PXDNL: variants seen among roughly 807,000 people sequenced by gnomAD.
PXDNL encodes the protein probable oxidoreductase PXDNL.
Under a neutral mutation model 150.8 loss-of-function variants are expected in PXDNL, and 145 were observed. The observed-to-expected ratio is 0.96, with a 90% CI of 0.84 to 1.10. PXDNL has a LOEUF of 1.10. Among genes scored for constraint, PXDNL ranks in the 50% least tolerant of loss-of-function variants. The pLI, the probability that PXDNL is intolerant of heterozygous loss-of-function variation, is 0.00. For synonymous variants in PXDNL, 757 were observed against 725.7 expected (o/e 1.04, Z -0.69); for missense variants, 2,087 against 1,873.9 (o/e 1.11, Z -2.10).
At chr8:51,516,238 A>G (rs1204037269) in intron 4 of PXDNL, among the ~76,000 whole-genome samples, 2 of 152,258 alleles carry the variant, frequency 1.3e-5, no homozygotes, top group South Asian at 2.1e-4. Flanking sequence ...TATTTCTTCT[A>G]TTCAATTTAT....
At chr8:51,605,953 C>T (rs1018068798) in intron 2 of PXDNL, among the ~76,000 whole-genome samples, 7 of 152,162 alleles carry the variant, frequency 4.6e-5, no homozygotes, top group African/African-American at 1.4e-4. Flanking sequence ...GCAAGAAAGC[C>T]CTCACGAGAT....
chr8:51,683,202 C>CATATATATATATATATATATAT (rs1815795803), intron 1 of PXDNL, among the ~76,000 whole-genome samples: 2 of 24,966 alleles, frequency 8.0e-5, no homozygotes, highest in Admixed American at 4.4e-4. Context: ...TATATATATG[C>CATATATATATATATATATATAT]CTATTAGAAA....
chr8:51,757,369 C>T (rs1039505689), intron 1 of PXDNL, among the ~76,000 whole-genome samples: 4 of 152,318 alleles, frequency 2.6e-5, no homozygotes, highest in Admixed American at 1.3e-4. Context: ...CAGCAGGCTC[C>T]GCAGTGCCCA....
intron 14 of PXDNL, among the ~76,000 whole-genome samples, chr8:51,420,475 A>T (rs1808918448): frequency 6.6e-6 from 1 of 152,192 alleles, no homozygotes; most frequent in Non-Finnish European, 1.5e-5. Context: ...TATTTCTAAC[A>T]TTATGAAATT....
chr8:51,486,790 ATATATTTTTTTT>A (rs1810770584), intron 5 of PXDNL, among the ~76,000 whole-genome samples: 5 of 23,962 alleles, frequency 2.1e-4, no homozygotes, highest in Admixed American at 8.6e-4. Flanking sequence ...ATATATATAT[ATATATTTTTTTT>A]TTTTTTTTTT....
chr8:51,653,665 G>A (rs527541514), intron 2 of PXDNL, among the ~76,000 whole-genome samples: 83 of 152,216 alleles, frequency 5.5e-4, no homozygotes, highest in Admixed American at 2.0e-3. Flanking sequence ...TGTGTGTTCC[G>A]GCATCAGTTA....
chr8:51,472,192 G>A lies in PXDNL; in HGVS notation c.807C>T (p.His269=), dbSNP rs765728701. 27 of 1,603,818 alleles carry A rather than the reference G, an allele frequency of 1.7e-5. No homozygotes were observed. Among genetic ancestry groups the A allele is most frequent in the Middle Eastern group, 1.7e-4 (1 of 6,054 alleles). The change falls in exon 8 of 23, where the codon CAC becomes CAT. Residue 269 remains histidine (H), a synonymous_variant. Coordinates refer to ENST00000356297, the MANE Select transcript of PXDNL (RefSeq NM_144651.5). ...TGTCCATGCTCAGTATTTACTTGTT[G>A]TGTATCCAAATAATCTCAGGTTTGG... The part of the protein sequence containing the change: ...GNPKPEIIWI[H]NNHSLDLEDD...
At chr8:51,329,654 G>C (rs1805621846) in intron 21 of PXDNL, among the ~76,000 whole-genome samples, 1 of 152,052 alleles carries the variant, frequency 6.6e-6, no homozygotes, top group Non-Finnish European at 1.5e-5. Context: ...GCAACATTCA[G>C]GAAAACATGG....
chr8:51,376,091 A>G (rs1807299179), intron 17 of PXDNL, among the ~76,000 whole-genome samples: 1 of 152,220 alleles, frequency 6.6e-6, no homozygotes, highest in Non-Finnish European at 1.5e-5. Context: ...AAATTGATGT[A>G]TGATTCATAT....
chr8:51,472,092 G>C (rs367674637), intron 8 of PXDNL, 95 bp downstream of exon 8: 1 of 735,270 alleles, frequency 1.4e-6, no homozygotes, highest in Non-Finnish European at 2.2e-6. Context: ...GAAAATTTTA[G>C]TAATTTCTTC....
At chr8:51,329,202 C>T (rs1465147500) in intron 21 of PXDNL, among the ~76,000 whole-genome samples, 1 of 152,224 alleles carries the variant, frequency 6.6e-6, no homozygotes, top group Non-Finnish European at 1.5e-5. Flanking sequence ...CCCATCCCCA[C>T]ACCTGACCAG....
rs767642473 is a variant in PXDNL at position 51,339,672 on chromosome 8, G to A, written c.4098C>T (p.Ser1366=). ...TTTCCTGAATTTCCGCTGCAAACGTGCTGAAATCTTGGGAGAACTTTGTTT... is the reference window on the plus strand; with the variant it reads ...TTTCCTGAATTTCCGCTGCAAACGTACTGAAATCTTGGGAGAACTTTGTTT... ...LAKTKFSQDF[S]TFAAEIQETI... is the part of the protein sequence containing the mutation. Residue 1366 remains serine (S), a synonymous_variant, in exon 21 of 23, where the codon AGC becomes AGT. Transcript: ENST00000356297. 6.2e-7 allele frequency: 1 copy of A among 1,613,678 alleles called. No homozygotes were observed. The highest frequency in any genetic ancestry group is 1.7e-5 in the Admixed American group (1 of 59,958).
At chr8:51,489,022 T>TTTACTAC (rs1810833244) in intron 5 of PXDNL, among the ~76,000 whole-genome samples, 1 of 152,188 alleles carries the variant, frequency 6.6e-6, no homozygotes, top group Non-Finnish European at 1.5e-5. Flanking sequence ...GATTAAAAAA[T>TTTACTAC]GTTTTTATGT....
intron 1 of PXDNL, among the ~76,000 whole-genome samples, chr8:51,715,000 T>C (rs575092197): frequency 6.6e-6 from 1 of 152,348 alleles, no homozygotes; most frequent in African/African-American, 2.4e-5. Context: ...CTATGGGGAA[T>C]ATCATGAGAG....
intron 2 of PXDNL, among the ~76,000 whole-genome samples, chr8:51,638,432 C>A (rs550866094): frequency 6.6e-6 from 1 of 152,298 alleles, no homozygotes; most frequent in South Asian, 2.1e-4. Flanking sequence ...CAAGACCCAT[C>A]AGTGTGCTGT....
At chr8:51,421,485 A>T (rs2129716780) in intron 14 of PXDNL, among the ~76,000 whole-genome samples, 1 of 152,284 alleles carries the variant, frequency 6.6e-6, no homozygotes, top group Non-Finnish European at 1.5e-5. Context: ...AGATCACCTG[A>T]GGTCAGGAGT....
At chr8:51,585,387 C>G (rs1813300912) in intron 3 of PXDNL, among the ~76,000 whole-genome samples, 1 of 152,042 alleles carries the variant, frequency 6.6e-6, no homozygotes, top group Non-Finnish European at 1.5e-5. Flanking sequence ...GAAAAGAGAA[C>G]AGCACATGGG....
chr8:51,597,617 T>C (rs115529687), intron 2 of PXDNL, among the ~76,000 whole-genome samples: 1,725 of 152,180 alleles, frequency 0.011, 14 homozygotes, highest in South Asian at 0.026. Context: ...TGTAGAGGTC[T>C]TTCACTTCCT....
At chr8:51,536,371 T>C (rs553661258) in intron 4 of PXDNL, among the ~76,000 whole-genome samples, 3 of 138,480 alleles carry the variant, frequency 2.2e-5, no homozygotes, top group African/African-American at 8.2e-5. Context: ...TACAGTGTAA[T>C]GTATGCTTAA....
Sources: allele counts gnomAD v4.1 joint callset (sites outside exome capture counted in the v4.1 genomes callset), GRCh38; gene constraint gnomAD v4.1.1; transcripts MANE v1.5; gene names NCBI Gene and HGNC (gene_info 2026-07-23, HGNC 2026-07-21).